The following NDUFAF7 variants were observed in gnomAD, a reference collection of about 807,000 sequenced individuals.
NDUFAF7 encodes NADH:ubiquinone oxidoreductase complex assembly factor 7, also known as protein arginine methyltransferase NDUFAF7, mitochondrial.
A neutral mutation model predicts 47.2 loss-of-function variants in NDUFAF7; 48 were observed. The observed-to-expected ratio is 1.02, with a 90% CI of 0.81 to 1.29. The LOEUF (loss-of-function observed/expected upper bound fraction) is 1.29. NDUFAF7 is among the 50% of genes most tolerant of loss of function. NDUFAF7 has a pLI of 0.00. For missense variants in NDUFAF7, 635 were observed against 537.6 expected (o/e 1.18, Z -1.79); for synonymous variants, 217 against 190.0 (o/e 1.14, Z -1.17).
At chr2:37,250,149 A>G (rs1667363579), downstream of NDUFAF7, among the ~76,000 whole-genome samples, 1 of 150,954 alleles carries the variant, frequency 6.6e-6, no homozygotes, top group African/African-American at 2.5e-5. Flanking sequence ...CCCCTGCACT[A>G]AAGTAAAGGA....
At chr2:37,263,385 T>C in the NDUFAF7 span, among the ~76,000 whole-genome samples, 1 of 152,234 alleles carries the variant, frequency 6.6e-6, no homozygotes, top group South Asian at 2.1e-4. Flanking sequence ...TTTTTTGAAT[T>C]AATGAGGCAT....
At chr2:37,260,190 C>A in the NDUFAF7 span, 5 of 1,547,886 alleles carry the variant, frequency 3.2e-6, no homozygotes, top group Admixed American at 2.0e-5. Context: ...AGTTTTTAAT[C>A]GCTAGTTTAA....
the NDUFAF7 span, chr2:37,259,606 CA>C: frequency 2.5e-6 from 4 of 1,612,514 alleles, no homozygotes; most frequent in Admixed American, 5.0e-5. Context: ...TCTGCTGATG[CA>C]AGCAGCACAT....
At chr2:37,242,727 T>C (rs374808057) in intron 6 of NDUFAF7, 34 bp downstream of exon 6, 2 of 1,491,270 alleles carry the variant, frequency 1.3e-6, no homozygotes, top group Non-Finnish European at 1.9e-6. Flanking sequence ...TGTCTATAAT[T>C]GAATACAAAA....
At chr2:37,262,132 G>A in the NDUFAF7 span, among the ~76,000 whole-genome samples, 1 of 152,176 alleles carries the variant, frequency 6.6e-6, no homozygotes, top group Non-Finnish European at 1.5e-5. Flanking sequence ...GCAAAATGAG[G>A]AGCATCCTGT....
intron 9 of NDUFAF7, among the ~76,000 whole-genome samples, chr2:37,247,925 CCT>C (rs1443114795): frequency 3.3e-5 from 5 of 152,268 alleles, no homozygotes; most frequent in East Asian, 3.9e-4. Flanking sequence ...GATCAAACCC[CCT>C]GAGGATATTT....
downstream of NDUFAF7, among the ~76,000 whole-genome samples, chr2:37,256,393 G>C (rs183597640): frequency 2.6e-5 from 4 of 152,312 alleles, no homozygotes; most frequent in African/African-American, 9.6e-5. Context: ...TAACAGGTAA[G>C]ACAGTTAAAA....
At position 37,247,644 on chromosome 2, in the gene NDUFAF7, A is replaced by G. The variant is rs746381637; in HGVS notation, c.1110+15A>G. 5 of 1,612,828 alleles carry G rather than the reference A, an allele frequency of 3.1e-6. No individual in the cohort carries two copies. The highest frequency in any genetic ancestry group is 4.2e-6 in the Non-Finnish European group (5 of 1,179,126). On this transcript the variant is annotated intron_variant, in intron 9 of 9. Coordinates refer to ENST00000002125, the MANE Select transcript of NDUFAF7 (RefSeq NM_144736.5). ...TCCGGCTGAAGGTAAGGTTTATTTT[A>G]TTTCACTGTTATTAAGTACTTTCAT...
At chr2:37,261,265 T>G in the NDUFAF7 span, among the ~76,000 whole-genome samples, 1 of 151,698 alleles carries the variant, frequency 6.6e-6, no homozygotes, top group Non-Finnish European at 1.5e-5. Flanking sequence ...GGCAGGTGGA[T>G]CATTTGAGGT....
intron 4 of NDUFAF7, among the ~76,000 whole-genome samples, chr2:37,238,225 T>G (rs761861401): frequency 6.6e-6 from 1 of 150,560 alleles, no homozygotes. Flanking sequence ...AGGTCAGGAG[T>G]TCGAGACCAG....
chr2:37,265,425 G>A, the NDUFAF7 span, among the ~76,000 whole-genome samples: 1 of 152,040 alleles, frequency 6.6e-6, no homozygotes, highest in African/African-American at 2.4e-5. Flanking sequence ...GAATATTCTA[G>A]AATATCAATA....
chr2:37,268,430 C>T, the NDUFAF7 span: 5 of 455,142 alleles, frequency 1.1e-5, no homozygotes, highest in African/African-American at 6.1e-5. Flanking sequence ...ATTTTCTAGG[C>T]GACTGCTTTA....
At chr2:37,234,977 G>C (rs764083044) in intron 2 of NDUFAF7, among the ~76,000 whole-genome samples, 6 of 152,200 alleles carry the variant, frequency 3.9e-5, no homozygotes, top group Non-Finnish European at 5.9e-5. Flanking sequence ...CTCAATTCTT[G>C]AGTGTTTCTT....
chr2:37,263,517 G>A, the NDUFAF7 span, among the ~76,000 whole-genome samples: 5 of 152,110 alleles, frequency 3.3e-5, no homozygotes, highest in Non-Finnish European at 5.9e-5. Flanking sequence ...TGATGTGTTT[G>A]TCTGTTTCTC....
At chr2:37,269,194 G>A in the NDUFAF7 span, 1 of 192,898 alleles carries the variant, frequency 5.2e-6, no homozygotes, top group African/African-American at 2.3e-5. Flanking sequence ...TCGCAAAGTT[G>A]GATTTCAGGT....
the NDUFAF7 span, among the ~76,000 whole-genome samples, chr2:37,261,509 G>T: frequency 6.6e-6 from 1 of 151,948 alleles, no homozygotes; most frequent in Non-Finnish European, 1.5e-5. Context: ...GGCCGGGCGC[G>T]GTGGCTCACG....
chr2:37,263,521 G>A, the NDUFAF7 span, among the ~76,000 whole-genome samples: 1 of 152,048 alleles, frequency 6.6e-6, no homozygotes, highest in Non-Finnish European at 1.5e-5. Flanking sequence ...GTGTTTGTCT[G>A]TTTCTCCTTG....
rs1666853929 is a variant in NDUFAF7 at position 37,245,971 on chromosome 2, T to G, written c.793-81T>G. On this transcript the variant is annotated intron_variant, in intron 7 of 9. Coordinates refer to ENST00000002125, the MANE Select transcript of NDUFAF7 (RefSeq NM_144736.5). ...TTTTATTAAAACTAAGAAATGCTCA[T>G]TGAGGAAAAACCTGAAAAACCGTAA... 2.0e-6 allele frequency: 3 copies of G among 1,472,520 alleles called. No homozygotes were observed. The Admixed American group carries it at 5.5e-5, about 27-fold the overall frequency. 91.2% of individuals were successfully genotyped at this position (1,472,520 alleles called of 1,614,324 possible). A position where few individuals can be genotyped will look rare whatever the true frequency, so the allele number is the denominator to read the frequency against.
rs951112334 is a variant in NDUFAF7, at chr2:37,237,498, C to G, written c.298-259C>G. Among the ~76,000 whole-genome samples, 3 of 152,094 alleles carry G rather than the reference C, an allele frequency of 2.0e-5. 1 individual carries two copies. Among genetic ancestry groups the G allele is most frequent in the African/African-American group, 7.2e-5 (3 of 41,414 alleles). ...ACTAATACCTTTCTGCTAGTGATAT[C>G]CTCTTATCTATGTCATGGGACCTTT... On this transcript the variant is annotated intron_variant, in intron 3 of 9. Transcript: ENST00000002125.
Sources: gnomAD v4.1 joint callset for allele counts (sites outside exome capture counted in the v4.1 genomes callset) on GRCh38, gnomAD v4.1.1 for gene constraint, MANE v1.5 for transcripts, NCBI Gene and HGNC (gene_info 2026-07-23, HGNC 2026-07-21) for gene names.